The following BAHCC1 variants were observed in gnomAD, a reference collection of about 807,000 sequenced individuals.
The protein encoded by BAHCC1 is BAH domain and coiled-coil containing 1, also known as BAH and coiled-coil domain-containing protein 1.
In BAHCC1, 43 loss-of-function variants were observed where a neutral mutation model predicts 88.2. The observed-to-expected ratio is 0.49, with a 90% CI of 0.38 to 0.63. The LOEUF is 0.63. BAHCC1 is among the 20% of genes least tolerant of loss of function. The pLI, the probability that BAHCC1 is intolerant of heterozygous loss-of-function variation, is 0.00. For synonymous variants in BAHCC1, 1,510 were observed against 745.5 expected (o/e 2.03, Z -16.71); for missense variants, 3,023 against 1,654.8 (o/e 1.83, Z -14.34).
intron 16 of BAHCC1, 78 bp downstream of exon 16, chr17:81,456,663 T>C: frequency 1.6e-6 from 1 of 642,332 alleles, no homozygotes; most frequent in East Asian, 2.8e-5. Context: ...GGGCGGCAGG[T>C]TCATGGCCGC....
intron 3 of BAHCC1, among the ~76,000 whole-genome samples, chr17:81,436,848 C>G (rs1481642324): frequency 2.0e-5 from 3 of 151,836 alleles, no homozygotes; most frequent in African/African-American, 7.3e-5. Flanking sequence ...TTCACCCTGT[C>G]AAGCAGGCCT....
In BAHCC1 at chr17:81,447,412, G is replaced by A. The variant is rs781947349; in HGVS notation, c.3540G>A (p.Gly1180=). ...GCCAGGCTCATTCTACTCAGGGAGG[G>A]GCACGAGAAGAGAGGAGCAGGGAGG... ...ATGQAHSTQG[G]AREERSREEG... Residue 1180 remains glycine, a synonymous_variant, in exon 11 of 28, where the codon GGG becomes GGA. Coordinates refer to ENST00000675386, the MANE Select transcript of BAHCC1 (RefSeq NM_001377448.1). The A allele has an allele frequency of 2.7e-6, 2 of 744,504 alleles. No individual in the cohort carries two copies. Among genetic ancestry groups the A allele is most frequent in the East Asian group, 5.0e-5 (2 of 39,794 alleles). The allele number at this position is 744,504 out of a possible 1,614,324, so 46.1% of individuals were successfully genotyped here.
At chr17:81,462,358 G>T (rs1315871523) in intron 26 of BAHCC1, among the ~76,000 whole-genome samples, 1 of 152,240 alleles carries the variant, frequency 6.6e-6, no homozygotes, top group Non-Finnish European at 1.5e-5. Flanking sequence ...CAGCTGGAGA[G>T]CTGTGTATCC....
rs2064749767 is a variant in BAHCC1 at position 81,456,379 on chromosome 17, A to C, written c.4652A>C (p.Lys1551Thr). 2 of 723,806 alleles carry C rather than the reference A, an allele frequency of 2.8e-6. No individual in the cohort carries two copies. The highest frequency in any genetic ancestry group is 5.1e-6 in the Non-Finnish European group (2 of 388,978). 44.8% of individuals were successfully genotyped at this position (723,806 alleles called of 1,614,324 possible). The stretch of plus-strand genomic sequence containing the variant: ...CACAGGGTGGCCCAGCTGAAACCCA[A>C]GGTCAAGAGCAAAGGGCTGCCCACA... ...VAHRVAQLKPKVKSKGLPTGL... is the reference protein window; with the variant it reads ...VAHRVAQLKPTVKSKGLPTGL... Residue 1551 changes from lysine to threonine, a missense_variant, in exon 16 of 28, where the codon AAG becomes ACG. Transcript: ENST00000675386.
chr17:81,417,885 A>G (rs1386941324), intron 2 of BAHCC1, among the ~76,000 whole-genome samples: 2 of 152,210 alleles, frequency 1.3e-5, no homozygotes, highest in Non-Finnish European at 2.9e-5. Context: ...GGCTGAGCCC[A>G]TGGCTGCATG....
At chr17:81,455,217 G>A (rs1555656920) in intron 14 of BAHCC1, 50 bp from the exon 15 acceptor site, 2 of 701,002 alleles carry the variant, frequency 2.9e-6, no homozygotes, top group African/African-American at 1.8e-5. Flanking sequence ...GGACAAGGCT[G>A]GGGCGGCCGG....
chr17:81,458,995 GC>G (rs34202212), intron 20 of BAHCC1, 26 bp downstream of exon 20: 207,635 of 719,766 alleles, frequency 0.29, 33,679 homozygotes, highest in Non-Finnish European at 0.34. Flanking sequence ...AAGGGTGCCA[GC>G]CGCCTGGGGA....
At position 81,447,853 on chromosome 17, in the gene BAHCC1, G is replaced by T. The variant is rs1555655031; in HGVS notation, c.3976+5G>T. 1 of 724,954 alleles carries T rather than the reference G, an allele frequency of 1.4e-6. No individual in the cohort carries two copies. The highest frequency in any genetic ancestry group is 1.7e-5 in the African/African-American group (1 of 57,772). The allele number at this position is 724,954 out of a possible 1,614,324, so 44.9% of individuals were successfully genotyped here. ...GGAGTGAGAGGACTGTGCCAGGTAAGCCCGGTGGTTGCCGCCACCCCCCAG... is the reference window on the plus strand; with the variant it reads ...GGAGTGAGAGGACTGTGCCAGGTAATCCCGGTGGTTGCCGCCACCCCCCAG... On this transcript the variant is annotated splice_donor_5th_base_variant and intron_variant, in intron 11 of 27. Transcript: ENST00000675386.
At chr17:81,413,689 C>T (rs1424555108) in intron 2 of BAHCC1, among the ~76,000 whole-genome samples, 2 of 152,220 alleles carry the variant, frequency 1.3e-5, no homozygotes, top group Admixed American at 1.3e-4. Flanking sequence ...ATGCGGGAGG[C>T]AGCCCGCTCG....
At chr17:81,427,015 G>A (rs1366745277) in intron 3 of BAHCC1, 36 bp downstream of exon 3, 8 of 398,398 alleles carry the variant, frequency 2.0e-5, no homozygotes, top group Non-Finnish European at 3.5e-5. Flanking sequence ...CGACACCCTG[G>A]TGGCCAAGAG....
intron 2 of BAHCC1, among the ~76,000 whole-genome samples, chr17:81,424,107 C>G (rs554906579): frequency 9.8e-5 from 15 of 152,344 alleles, no homozygotes; most frequent in African/African-American, 2.6e-4. Context: ...CTCTGTCCCC[C>G]GCCCTCAGTC....
intron 4 of BAHCC1, among the ~76,000 whole-genome samples, chr17:81,440,624 C>G (rs1319455086): frequency 6.6e-6 from 1 of 152,190 alleles, no homozygotes; most frequent in Non-Finnish European, 1.5e-5. Flanking sequence ...GGTGGCCTGG[C>G]CCCCTCTGTG....
At chr17:81,398,964 A>C (rs2063774871) in intron 1 of BAHCC1, among the ~76,000 whole-genome samples, 1 of 151,764 alleles carries the variant, frequency 6.6e-6, no homozygotes, top group African/African-American at 2.4e-5. Flanking sequence ...AGTTACAATC[A>C]ATAAAATTAC....
At chr17:81,408,570 C>T (rs1476641227) in intron 2 of BAHCC1, among the ~76,000 whole-genome samples, 1 of 152,164 alleles carries the variant, frequency 6.6e-6, no homozygotes, top group Admixed American at 6.5e-5. Context: ...GGCGTCACAT[C>T]CTCTCAGAGC....
rs2063779158 is a variant in BAHCC1 at position 81,399,169 on chromosome 17, G to C, written c.-206-365G>C. ...TGTGTGTGTGCGAGTGTGCGTGATG[G>C]CTTCGCAGATTTGGGTTTTTATCAC... On this transcript the variant is annotated intron_variant, in intron 1 of 27. Transcript: ENST00000675386. This position sits in a 1 kb window ranked among gnomAD's most constrained non-coding sequence, Gnocchi z 4.5. 1 of 408,340 alleles carries C rather than the reference G, an allele frequency of 2.4e-6. No individual in the cohort carries two copies. Among genetic ancestry groups the C allele is most frequent in the African/African-American group, 2.2e-5 (1 of 45,764 alleles). 25.3% of individuals were successfully genotyped at this position (408,340 alleles called of 1,614,324 possible). A position where few individuals can be genotyped will look rare whatever the true frequency, so the allele number is the denominator to read the frequency against.
Position 81,461,472 on chromosome 17 carries a change from C to T in BAHCC1, c.6809C>T (p.Ala2270Val), listed in dbSNP as rs781857251. ...APIPPLPMGL[A>V]LRKYAGQAEF... is the part of the protein sequence containing the mutation. The stretch of plus-strand genomic sequence containing the variant: ...ATCCCCCCGCTGCCCATGGGGCTGG[C>T]GCTGCGCAAGTACGCGGGCCAGGCA... The change falls in exon 26 of 28, where the codon GCG (alanine) becomes GTG (valine). Residue 2270 changes from alanine to valine, a missense_variant. By Grantham distance (64) the Ala-to-Val change is moderately conservative. Transcript: ENST00000675386. The T allele has an allele frequency of 2.7e-6, 2 of 743,780 alleles. No homozygotes were observed. Among genetic ancestry groups the T allele is most frequent in the Non-Finnish European group, 5.0e-6 (2 of 401,554 alleles). The allele number at this position is 743,780 out of a possible 1,614,324, so 46.1% of individuals were successfully genotyped here. A position where few individuals can be genotyped will look rare whatever the true frequency, so the allele number is the denominator to read the frequency against.
chr17:81,429,783 G>A (rs1356630769), intron 3 of BAHCC1, among the ~76,000 whole-genome samples: 1 of 152,322 alleles, frequency 6.6e-6, no homozygotes, highest in Non-Finnish European at 1.5e-5. Flanking sequence ...TTCGTTGAGG[G>A]TAGGTAGGCC....
At chr17:81,409,477 G>T (rs1555647442) in intron 2 of BAHCC1, among the ~76,000 whole-genome samples, 1 of 152,206 alleles carries the variant, frequency 6.6e-6, no homozygotes. Context: ...CCAGGAGCGG[G>T]CTCAGGGTGG....
At chr17:81,426,464 G>C (rs979140626) in intron 2 of BAHCC1, among the ~76,000 whole-genome samples, 3 of 148,392 alleles carry the variant, frequency 2.0e-5, no homozygotes, top group Admixed American at 6.7e-5. Flanking sequence ...GGGTGATGTG[G>C]TTGGGGGTGA....
Sources: gnomAD v4.1 joint callset for allele counts (sites outside exome capture counted in the v4.1 genomes callset) on GRCh38, gnomAD v4.1.1 for gene constraint, Gnocchi (gnomAD v3.1) non-coding constraint, MANE v1.5 for transcripts, NCBI Gene and HGNC (gene_info 2026-07-23, HGNC 2026-07-21) for gene names.